The following LRRC37A2 variants were observed in gnomAD, a reference collection of about 807,000 sequenced individuals.
LRRC37A2 encodes leucine rich repeat containing 37 member A2.
LRRC37A2 carries 9 observed loss-of-function variants against 68.8 expected under a neutral mutation model. That is an observed-to-expected ratio of 0.13 (90% CI 0.08 to 0.23). The LOEUF (loss-of-function observed/expected upper bound fraction) is 0.23. LRRC37A2 is among the 10% of genes least tolerant of loss of function. LRRC37A2 has a pLI of 1.00. For missense variants in LRRC37A2, 168 were observed against 950.4 expected (o/e 0.18, Z 10.82); for synonymous variants, 63 against 367.6 (o/e 0.17, Z 9.48).
At chr17:46,818,582 G>A in the LRRC37A2 span, 7 of 1,603,096 alleles carry the variant, frequency 4.4e-6, no homozygotes, top group Admixed American at 5.1e-5. Context: ...AGCAGCCCGA[G>A]CAGGTGGGGC....
At chr17:46,845,218 C>A in the LRRC37A2 span, among the ~76,000 whole-genome samples, 7 of 152,144 alleles carry the variant, frequency 4.6e-5, no homozygotes, top group African/African-American at 1.7e-4. Context: ...TTGTAAAACA[C>A]CCCAACGTAG....
chr17:46,974,733 CAA>C, the LRRC37A2 span, among the ~76,000 whole-genome samples: 739 of 64,412 alleles, frequency 0.011, 1 homozygote, highest in Non-Finnish European at 0.02. Flanking sequence ...GACTCTCTCT[CAA>C]AAAAAAAAAA....
the LRRC37A2 span, among the ~76,000 whole-genome samples, chr17:46,771,893 T>C: frequency 1.6e-4 from 17 of 103,388 alleles, no homozygotes; most frequent in African/African-American, 3.2e-4. Context: ...CCCCCGCCCC[T>C]GCCCCCGCCC....
At chr17:46,724,183 C>T in the LRRC37A2 span, among the ~76,000 whole-genome samples, 3 of 152,290 alleles carry the variant, frequency 2.0e-5, no homozygotes, top group African/African-American at 7.2e-5. Flanking sequence ...TGCTTCAAGT[C>T]TCAGGTTAAG....
the LRRC37A2 span, among the ~76,000 whole-genome samples, chr17:46,816,131 T>A: frequency 4.2e-3 from 79 of 18,964 alleles, no homozygotes; most frequent in East Asian, 6.0e-3. Flanking sequence ...ACACACACAC[T>A]CACACACACG....
At chr17:46,467,776 G>A in the LRRC37A2 span, among the ~76,000 whole-genome samples, 1 of 104,980 alleles carries the variant, frequency 9.5e-6, no homozygotes, top group Non-Finnish European at 2.1e-5. Flanking sequence ...CCACACTGAC[G>A]GAGATGAACA....
the LRRC37A2 span, among the ~76,000 whole-genome samples, chr17:46,862,009 C>A: frequency 6.6e-6 from 1 of 151,686 alleles, no homozygotes; most frequent in Non-Finnish European, 1.5e-5. Context: ...ACTAAAAATA[C>A]AAAAATAGCT....
At chr17:46,771,565 GGCGGGGCCC>G in the LRRC37A2 span, among the ~76,000 whole-genome samples, 2 of 148,538 alleles carry the variant, frequency 1.3e-5, no homozygotes, top group African/African-American at 4.9e-5. Flanking sequence ...TTCCCCGTCC[GGCGGGGCCC>G]GCTGGGCCGC....
At chr17:46,503,211 C>CAAA in the LRRC37A2 span, among the ~76,000 whole-genome samples, 80 of 72,390 alleles carry the variant, frequency 1.1e-3, 1 homozygote, top group Non-Finnish European at 1.8e-3. Flanking sequence ...GACTCCGTCT[C>CAAA]AAAAAAAAAA....
the LRRC37A2 span, chr17:46,955,852 C>G: frequency 6.6e-6 from 1 of 152,308 alleles, no homozygotes; most frequent in Non-Finnish European, 1.5e-5. Context: ...CACTCCACCC[C>G]ACCCTACCCT....
the LRRC37A2 span, among the ~76,000 whole-genome samples, chr17:46,766,029 A>G: frequency 1.3e-5 from 2 of 152,180 alleles, no homozygotes; most frequent in East Asian, 1.9e-4. Context: ...TCTTGAAACC[A>G]TATCTATGTA....
the LRRC37A2 span, among the ~76,000 whole-genome samples, chr17:46,810,932 G>A: frequency 6.6e-6 from 1 of 151,918 alleles, no homozygotes; most frequent in Admixed American, 6.6e-5. Context: ...GGCCCCTCTC[G>A]CCCCAGAGCC....
At chr17:46,912,272 A>G in the LRRC37A2 span, among the ~76,000 whole-genome samples, 3 of 152,156 alleles carry the variant, frequency 2.0e-5, no homozygotes, top group African/African-American at 7.2e-5. Context: ...ATGCCTAATG[A>G]CCATGGGAAT....
the LRRC37A2 span, among the ~76,000 whole-genome samples, chr17:46,882,489 G>A: frequency 6.6e-6 from 1 of 152,194 alleles, no homozygotes; most frequent in Non-Finnish European, 1.5e-5. Context: ...AGGCTGGAGT[G>A]CAGTGGTGCG....
At chr17:46,880,296 A>T in the LRRC37A2 span, among the ~76,000 whole-genome samples, 4 of 152,128 alleles carry the variant, frequency 2.6e-5, no homozygotes, top group Non-Finnish European at 4.4e-5. Context: ...TTGCTTTTGA[A>T]CCTTTCCTTT....
chr17:46,903,728 T>G, the LRRC37A2 span, among the ~76,000 whole-genome samples: 1 of 135,454 alleles, frequency 7.4e-6, no homozygotes. Flanking sequence ...GCTTGGGGAG[T>G]AGATGGATGG....
At chr17:46,691,822 G>A in the LRRC37A2 span, among the ~76,000 whole-genome samples, 8 of 151,036 alleles carry the variant, frequency 5.3e-5, 1 homozygote, top group African/African-American at 2.0e-4. Context: ...GTGCAGTCTC[G>A]GCTCACTGCA....
the LRRC37A2 span, among the ~76,000 whole-genome samples, chr17:46,842,068 C>G: frequency 6.6e-5 from 10 of 152,196 alleles, no homozygotes; most frequent in African/African-American, 2.2e-4. Context: ...GAGGCCTCCC[C>G]CTCCATCCCT....
the LRRC37A2 span, among the ~76,000 whole-genome samples, chr17:46,905,613 A>T: frequency 2.0e-5 from 3 of 152,188 alleles, no homozygotes; most frequent in East Asian, 5.8e-4. Flanking sequence ...CCTACTAGGG[A>T]TTGACCCATG....
Sources: allele counts gnomAD v4.1 joint callset (sites outside exome capture counted in the v4.1 genomes callset), GRCh38; gene constraint gnomAD v4.1.1; transcripts MANE v1.5; gene names NCBI Gene and HGNC (gene_info 2026-07-23, HGNC 2026-07-21).